The following LAMA3 variants were observed in gnomAD, a reference collection of about 807,000 sequenced individuals.
The protein encoded by LAMA3 is laminin subunit alpha-3.
Under a neutral mutation model 402.0 loss-of-function variants are expected in LAMA3, and 281 were observed. That is an observed-to-expected ratio of 0.70 (90% CI 0.63 to 0.77). The LOEUF (loss-of-function observed/expected upper bound fraction) is 0.77, where lower values mean the gene tolerates loss of function less well. LAMA3 is among the 30% of genes least tolerant of loss of function. The pLI, the probability that LAMA3 is intolerant of heterozygous loss-of-function variation, is 0.00. For missense variants in LAMA3, 3,840 were observed against 4,215.5 expected (o/e 0.91, Z 2.47); for synonymous variants, 1,431 against 1,558.4 (o/e 0.92, Z 1.93).
intron 18 of LAMA3, among the ~76,000 whole-genome samples, chr18:23,818,177 C>T (rs1027910716): frequency 1.3e-5 from 2 of 152,054 alleles, no homozygotes; most frequent in Admixed American, 1.3e-4. Context: ...AAATGTTTTC[C>T]ACCTGTGTTT....
At chr18:23,848,933 C>T (rs957957527) in intron 32 of LAMA3, among the ~76,000 whole-genome samples, 8 of 152,128 alleles carry the variant, frequency 5.3e-5, no homozygotes, top group South Asian at 2.1e-4. Flanking sequence ...CCTCTGCCTC[C>T]GCCATTACAT....
chr18:23,699,320 T>C (rs1341396788), intron 1 of LAMA3, among the ~76,000 whole-genome samples: 2 of 152,186 alleles, frequency 1.3e-5, no homozygotes, highest in Non-Finnish European at 2.9e-5. Flanking sequence ...TTTGTATGTA[T>C]TGATACCCTT....
intron 2 of LAMA3, among the ~76,000 whole-genome samples, chr18:23,731,948 A>T (rs2061401510): frequency 6.6e-6 from 1 of 152,154 alleles, no homozygotes; most frequent in Non-Finnish European, 1.5e-5. Context: ...TAAAAGGCTA[A>T]TGGCTTTAGG....
intron 68 of LAMA3, among the ~76,000 whole-genome samples, chr18:23,940,181 G>A (rs934467312): frequency 1.3e-5 from 2 of 152,200 alleles, no homozygotes; most frequent in African/African-American, 4.8e-5. Context: ...GGCAGGCAGG[G>A]AGAGCCCGCA....
At chr18:23,784,239 G>A (rs1475114282) in intron 12 of LAMA3, 82 bp downstream of exon 12, 5 of 1,547,088 alleles carry the variant, frequency 3.2e-6, no homozygotes, top group Non-Finnish European at 4.5e-6. Context: ...CTTTCTGGCA[G>A]AGCTGTCTGG....
At chr18:23,934,230 G>A (rs1356280543) in intron 67 of LAMA3, among the ~76,000 whole-genome samples, 1 of 152,146 alleles carries the variant, frequency 6.6e-6, no homozygotes, top group Non-Finnish European at 1.5e-5. Flanking sequence ...TGTGTCCCCA[G>A]CAGGTCCTAT....
At chr18:23,712,157 G>T (rs1007543111) in intron 1 of LAMA3, among the ~76,000 whole-genome samples, 1 of 152,042 alleles carries the variant, frequency 6.6e-6, no homozygotes, top group Non-Finnish European at 1.5e-5. Context: ...GAGGCAGGCG[G>T]ATCACCTGAG....
intron 69 of LAMA3, among the ~76,000 whole-genome samples, chr18:23,945,286 G>T (rs1335836657): frequency 6.6e-6 from 1 of 152,236 alleles, no homozygotes; most frequent in Non-Finnish European, 1.5e-5. Flanking sequence ...GGGAGGTCGG[G>T]AGAAGTGACC....
Position 23,689,611 on chromosome 18 carries a change from G to C in LAMA3, c.-73G>C. On this transcript the variant is annotated 5_prime_UTR_variant, in exon 1 of 75. Coordinates refer to ENST00000313654, the MANE Select transcript of LAMA3 (RefSeq NM_198129.4). The stretch of plus-strand genomic sequence containing the variant: ...AGTCCTGGCGCTGCAGGTCCGGGAG[G>C]CGCAGGCGGAGAGCGGCGGTGCCCC... 1 of 1,215,906 alleles carries C rather than the reference G, an allele frequency of 8.2e-7. No individual in the cohort carries two copies. Among genetic ancestry groups the C allele is most frequent in the Non-Finnish European group, 1.0e-6 (1 of 974,284 alleles). The allele number at this position is 1,215,906 out of a possible 1,614,324, so 75.3% of individuals were successfully genotyped here. A position where few individuals can be genotyped will look rare whatever the true frequency, so the allele number is the denominator to read the frequency against.
intron 1 of LAMA3, among the ~76,000 whole-genome samples, chr18:23,703,170 C>T (rs1255215574): frequency 6.6e-6 from 1 of 152,158 alleles, no homozygotes; most frequent in Non-Finnish European, 1.5e-5. Flanking sequence ...AATTCTGATG[C>T]CTAGCTCCCA....
At chr18:23,809,721 G>T (rs181573742) in intron 12 of LAMA3, among the ~76,000 whole-genome samples, 2 of 152,308 alleles carry the variant, frequency 1.3e-5, no homozygotes, top group South Asian at 4.2e-4. Flanking sequence ...GGGGAGGGAG[G>T]AAACTAGGAT....
intron 1 of LAMA3, among the ~76,000 whole-genome samples, chr18:23,708,989 A>G (rs1342629556): frequency 6.6e-6 from 1 of 151,240 alleles, no homozygotes; most frequent in African/African-American, 2.4e-5. Context: ...TCCTGGCCTC[A>G]AGTGATCCTC....
chr18:23,869,509 T>C (rs1179295341), intron 37 of LAMA3, among the ~76,000 whole-genome samples: 7 of 152,196 alleles, frequency 4.6e-5, no homozygotes, highest in Admixed American at 4.6e-4. Flanking sequence ...TTATTACAAA[T>C]TGTATGCTTA....
In LAMA3 at chr18:23,871,636, CT is replaced by C. The variant is rs767394785; in HGVS notation, c.4974del (p.Ala1659ProfsTer90). On this transcript the variant is annotated frameshift_variant, in exon 38 of 75. Coordinates refer to ENST00000313654, the MANE Select transcript of LAMA3 (RefSeq NM_198129.4). LOFTEE classifies it high-confidence loss of function. ...ALAVEICACP[P>X]AYAGDSCQGC... Reference sequence around the variant, plus strand: ...GCTGTGGAAATCTGTGCCTGCCCCCCTGCCTACGCTGGTGACTCTTGTCAGG... The same window carrying C: ...GCTGTGGAAATCTGTGCCTGCCCCCCGCCTACGCTGGTGACTCTTGTCAGG... The C allele has an allele frequency of 1.6e-5, 25 of 1,610,504 alleles. No individual in the cohort carries two copies. The highest frequency in any genetic ancestry group is 1.7e-4 in the Middle Eastern group (1 of 6,056).
In LAMA3 at chr18:23,951,741, C is replaced by T. The variant is rs760257641; in HGVS notation, c.9700C>T (p.Gln3234Ter). 1 of 1,613,822 alleles carries T rather than the reference C, an allele frequency of 6.2e-7. No homozygotes were observed. The highest frequency in any genetic ancestry group is 8.5e-7 in the Non-Finnish European group (1 of 1,179,856). Residue 3234 changes from glutamine (Q) to a stop codon, truncating the protein, a stop_gained, in exon 73 of 75, where the codon CAG (glutamine) becomes TAG (stop). Transcript: ENST00000313654. LOFTEE classifies it high-confidence loss of function. The stretch of plus-strand genomic sequence containing the variant: ...GACCTCAACGTCGGTCACACCAAAG[C>T]AGTCTCTGTGTGATGGACAGTGGCA... ...GGTSTSVTPK[Q>*]SLCDGQWHSV...
chr18:23,823,026 A>G (rs958374406), intron 20 of LAMA3, among the ~76,000 whole-genome samples: 23 of 152,350 alleles, frequency 1.5e-4, no homozygotes, highest in African/African-American at 5.3e-4. Context: ...CAAGGACACA[A>G]AATGGCACCA....
chr18:23,833,782 C>T, intron 23 of LAMA3, 46 bp from the exon 24 acceptor site: 1 of 1,608,352 alleles, frequency 6.2e-7, no homozygotes. Flanking sequence ...GTGGCCTGTA[C>T]ATGTCACAGC....
intron 8 of LAMA3, among the ~76,000 whole-genome samples, chr18:23,770,851 A>G (rs1194008339): frequency 6.6e-6 from 1 of 152,132 alleles, no homozygotes. Flanking sequence ...ATACTACTAC[A>G]TACTCCCCAG....
chr18:23,773,711 C>G, intron 9 of LAMA3, 124 bp downstream of exon 9: 1 of 713,128 alleles, frequency 1.4e-6, no homozygotes, highest in South Asian at 1.5e-5. Context: ...ATTAGTTGTG[C>G]TCGCTATGTG....
Sources: allele counts gnomAD v4.1 joint callset (sites outside exome capture counted in the v4.1 genomes callset), GRCh38; gene constraint gnomAD v4.1.1; transcripts MANE v1.5; gene names NCBI Gene and HGNC (gene_info 2026-07-23, HGNC 2026-07-21).